Variants in RAD50 observed in about 807,000 individuals in gnomAD.
RAD50 encodes the protein RAD50 double strand break repair protein, also known as DNA repair protein RAD50.
Under a neutral mutation model 168.8 loss-of-function variants are expected in RAD50, and 132 were observed. The observed-to-expected ratio is 0.78, with a 90% CI of 0.68 to 0.90. RAD50 has a LOEUF of 0.90. RAD50 is among the 40% of genes least tolerant of loss of function. The pLI is 0.00. For synonymous variants in RAD50, 525 were observed against 497.4 expected, an observed-to-expected ratio of 1.06 and a Z score of -0.74; for missense variants, 1,347 against 1,534.4, an observed-to-expected ratio of 0.88 and a Z score of 2.04.
intron 21 of RAD50, among the ~76,000 whole-genome samples, chr5:132,624,126 C>T (rs1751330821): frequency 6.6e-6 from 1 of 151,994 alleles, no homozygotes; most frequent in African/African-American, 2.4e-5. Context: ...TCTTTTGTCC[C>T]ATTTCATTGT....
chr5:132,604,127 G>C (rs1014914446), intron 15 of RAD50, 81 bp downstream of exon 15: 5 of 1,535,776 alleles, frequency 3.3e-6, no homozygotes, highest in Non-Finnish European at 4.5e-6. Flanking sequence ...TTTTATATCT[G>C]TTACATGGAC....
Position 132,587,631 on chromosome 5 carries a change from G to T in RAD50, c.826G>T (p.Asp276Tyr). 1 of 1,613,816 alleles carries T rather than the reference G, an allele frequency of 6.2e-7. No individual in the cohort carries two copies. The highest frequency in any genetic ancestry group is 8.5e-7 in the Non-Finnish European group (1 of 1,179,878). ...MKLDNEIKAL[D>Y]SRKKQMEKDN... is the part of the protein sequence containing the mutation. ...ACTTGACAATGAAATTAAAGCCTTG[G>T]ATAGCCGAAAGAAGCAAATGGAGAA... Residue 276 changes from aspartate to tyrosine, a missense_variant, in exon 6 of 25, where the codon GAT becomes TAT. Transcript: ENST00000378823.
chr5:132,602,211 A>G (rs1417034888), intron 13 of RAD50, among the ~76,000 whole-genome samples: 1 of 152,200 alleles, frequency 6.6e-6, no homozygotes, highest in African/African-American at 2.4e-5. Context: ...CATAGTTTGC[A>G]TTTTTAAAAA....
chr5:132,579,306 A>G lies in RAD50; in HGVS notation c.366-11A>G, dbSNP rs771876279. 2 of 1,612,360 alleles carry G rather than the reference A, an allele frequency of 1.2e-6. No homozygotes were observed. The highest frequency in any genetic ancestry group is 1.7e-6 in the Non-Finnish European group (2 of 1,178,506). On this transcript the variant is annotated splice_polypyrimidine_tract_variant and intron_variant, in intron 3 of 24. Transcript: ENST00000378823. ...TATTTTACATATATTCTTGATTTTC[A>G]TTTTCTGTAGGCATGGTGAAAAGGT...
chr5:132,561,212 A>G (rs1368615747), intron 2 of RAD50, among the ~76,000 whole-genome samples: 1 of 151,574 alleles, frequency 6.6e-6, no homozygotes, highest in Non-Finnish European at 1.5e-5. Context: ...TTTTTTTATG[A>G]GACGGAGTCT....
At chr5:132,569,268 G>A (rs1218054881) in intron 2 of RAD50, among the ~76,000 whole-genome samples, 7 of 151,976 alleles carry the variant, frequency 4.6e-5, no homozygotes, top group South Asian at 2.1e-4. Flanking sequence ...CCAAATAAAC[G>A]GAATAATGGT....
At chr5:132,619,831 TCTCTCTATATATATATATATAAAG>T (rs1561651610) in intron 21 of RAD50, among the ~76,000 whole-genome samples, 2 of 133,568 alleles carry the variant, frequency 1.5e-5, no homozygotes, top group East Asian at 4.1e-4. Context: ...TCTCTCTCTC[TCTCTCTATATATATATATATAAAG>T]ATATATATAT....
rs1554098162 is a variant in RAD50 at position 132,587,601 on chromosome 5, A to G, written c.796A>G (p.Met266Val). 8 of 1,613,642 alleles carry G rather than the reference A, an allele frequency of 5.0e-6. No individual in the cohort carries two copies. The highest frequency in any genetic ancestry group is 2.2e-5 in the East Asian group (1 of 44,788). The change falls in exon 6 of 25, where the codon ATG (methionine) becomes GTG (valine). Residue 266 changes from methionine to valine, a missense_variant. Around this residue, in one of 3 missense-constraint regions of RAD50, gnomAD observed 703 missense variants for 767.7 expected, o/e 0.92. Coordinates refer to ENST00000378823, the MANE Select transcript of RAD50 (RefSeq NM_005732.4). ...AATTGAACATAATCTCTCTAAAATA[A>G]TGAAACTTGACAATGAAATTAAAGC... ...KEIEHNLSKI[M>V]KLDNEIKALD...
chr5:132,609,499 A>G, intron 19 of RAD50, 103 bp downstream of exon 19: 1 of 1,526,514 alleles, frequency 6.6e-7, no homozygotes, highest in Non-Finnish European at 8.8e-7. Context: ...AAAAGGAAAG[A>G]GGCCAAGCGT....
At position 132,591,889 on chromosome 5, in the gene RAD50, G is replaced by A. The variant is rs786203972; in HGVS notation, c.1648G>A (p.Glu550Lys). The A allele has an allele frequency of 6.2e-7, 1 of 1,603,614 alleles. No individual in the cohort carries two copies. The highest frequency in any genetic ancestry group is 8.5e-7 in the Non-Finnish European group (1 of 1,171,950). ...MLTKDKADKD[E>K]QIRKIKSRHS... is the part of the protein sequence containing the mutation. ...TTTTTACCTATAGGCTGACAAAGAT[G>A]AACAAATCAGAAAAATAAAATCTAG... The change falls in exon 11 of 25, where the codon GAA becomes AAA. Residue 550 changes from glutamate (E) to lysine (K), a missense_variant. Physicochemically the swap from Glu to Lys is moderately conservative, Grantham distance 56 (BLOSUM62 1). Around this residue, in one of 3 missense-constraint regions of RAD50, gnomAD observed 703 missense variants for 767.7 expected, o/e 0.92. Coordinates refer to ENST00000378823, the MANE Select transcript of RAD50 (RefSeq NM_005732.4).
chr5:132,562,248 A>G (rs1401931633), intron 2 of RAD50, among the ~76,000 whole-genome samples: 1 of 152,198 alleles, frequency 6.6e-6, no homozygotes, highest in Non-Finnish European at 1.5e-5. Flanking sequence ...GATTTTGAGC[A>G]GGGAAAGGAC....
intron 10 of RAD50, 84 bp from the exon 11 acceptor site, chr5:132,591,793 T>C: frequency 1.0e-6 from 1 of 987,154 alleles, no homozygotes; most frequent in South Asian, 1.7e-5. Flanking sequence ...CTTAGAACTT[T>C]AGTCAGTCTA....
chr5:132,597,109 A>C (rs913026808), intron 13 of RAD50, among the ~76,000 whole-genome samples: 1 of 152,228 alleles, frequency 6.6e-6, no homozygotes, highest in Middle Eastern at 3.4e-3. Context: ...TTTTAGGAAA[A>C]TTAATCTAAT....
At chr5:132,640,154 A>T (rs146824521) in intron 23 of RAD50, among the ~76,000 whole-genome samples, 2 of 152,196 alleles carry the variant, frequency 1.3e-5, no homozygotes, top group African/African-American at 2.4e-5. Context: ...TACTCCTGAT[A>T]CTTTGACCTA....
intron 13 of RAD50, among the ~76,000 whole-genome samples, chr5:132,601,765 G>A (rs1475166332): frequency 6.6e-6 from 1 of 152,122 alleles, no homozygotes; most frequent in Non-Finnish European, 1.5e-5. Context: ...AGAAAATGTG[G>A]CACATATACA....
chr5:132,634,762 A>C (rs1379154243), intron 21 of RAD50, among the ~76,000 whole-genome samples: 1 of 152,204 alleles, frequency 6.6e-6, no homozygotes, highest in Non-Finnish European at 1.5e-5. Flanking sequence ...TTTTATCAAA[A>C]TTCAGTGTTA....
intron 5 of RAD50, 116 bp from the exon 6 acceptor site, chr5:132,587,446 C>A: frequency 6.9e-7 from 1 of 1,444,854 alleles, no homozygotes; most frequent in African/African-American, 1.4e-5. Flanking sequence ...TTATTGTTAG[C>A]CTTAAATGAG....
At position 132,594,922 on chromosome 5, in the gene RAD50, A is replaced by G. The variant is rs878854788; in HGVS notation, c.1847A>G (p.Lys616Arg). Reference sequence around the variant, plus strand: ...AAAAATCATATAAATAATGAACTAAAAAGAAAGGAAGAGCAGTTGTCCAGT... The same window carrying G: ...AAAAATCATATAAATAATGAACTAAGAAGAAAGGAAGAGCAGTTGTCCAGT... The part of the protein sequence containing the change: ...QNKNHINNEL[K>R]RKEEQLSSYE... Residue 616 changes from lysine to arginine, a missense_variant, in exon 12 of 25, where the codon AAA becomes AGA. By Grantham distance (26) the Lys-to-Arg change is conservative (BLOSUM62 2). This residue lies in a region of RAD50 where 703 missense variants were observed against 767.7 expected (regional missense o/e 0.92). Transcript: ENST00000378823. 6.2e-7 allele frequency: 1 copy of G among 1,608,972 alleles called. No individual in the cohort carries two copies. Among genetic ancestry groups the G allele is most frequent in the Middle Eastern group, 1.7e-4 (1 of 6,048 alleles).
At chr5:132,591,448 TAAA>T in intron 10 of RAD50, 42 bp downstream of exon 10, 1 of 1,558,896 alleles carries the variant, frequency 6.4e-7, no homozygotes, top group Non-Finnish European at 8.8e-7. Flanking sequence ...GTCTGGTACT[TAAA>T]ATAGCCTACC....
Sources: gnomAD v4.1 joint callset for allele counts (sites outside exome capture counted in the v4.1 genomes callset) on GRCh38, gnomAD v4.1.1 for gene constraint, gnomAD v4.1.1 regional missense constraint, MANE v1.5 for transcripts, NCBI Gene and HGNC (gene_info 2026-07-23, HGNC 2026-07-21) for gene names.